Variants in CLK2 observed in about 807,000 individuals in gnomAD.
The protein encoded by CLK2 is dual specificity protein kinase CLK2.
A neutral mutation model predicts 73.5 loss-of-function variants in CLK2; 12 were observed. The observed-to-expected ratio is 0.16, with a 90% CI of 0.10 to 0.26. The LOEUF (loss-of-function observed/expected upper bound fraction) is 0.26. Ranked by LOEUF, CLK2 falls within the 10% of genes least tolerant of loss-of-function variation. CLK2 has a pLI of 1.00. For missense variants in CLK2, 509 were observed against 688.4 expected (o/e 0.74, Z 2.92); for synonymous variants, 232 against 237.9 (o/e 0.98, Z 0.23).
rs779725189 is a variant in CLK2, at chr1:155,269,603, T to G, written c.284A>C (p.Tyr95Ser). The G allele has an allele frequency of 1.9e-6, 3 of 1,614,208 alleles. No homozygotes were observed. The highest frequency in any genetic ancestry group is 2.2e-5 in the South Asian group (2 of 91,086). Reference protein sequence around the residue: ...DRGDAYYDTDYRHSYEYQREN... With the variant: ...DRGDAYYDTDSRHSYEYQREN... The stretch of plus-strand genomic sequence containing the variant: ...CCGCTGATATTCATAGGAATGCCGA[T>G]AGTCTGTGTCATAGTAGGCATCTCC... The change falls in exon 3 of 13, where the codon TAT (tyrosine) becomes TCT (serine). Residue 95 changes from tyrosine (Y) to serine (S), a missense_variant. This residue lies in a region of CLK2 where 222 missense variants were observed against 221.7 expected (regional missense o/e 1.00). Transcript: ENST00000368361.
Position 155,269,473 on chromosome 1 carries a change from T to TG in CLK2, c.399+14dup. 6.2e-7 allele frequency: 1 copy of TG among 1,611,546 alleles called. No homozygotes were observed. Among genetic ancestry groups the TG allele is most frequent in the Non-Finnish European group, 8.5e-7 (1 of 1,178,434 alleles). ...CAGAAGAGTGGGGAGAGGAAGGGCC[T>TG]GGGCTGGCACTCACCGAAGATGAGC... On this transcript the variant is annotated intron_variant, in intron 3 of 12. Coordinates refer to ENST00000368361, the MANE Select transcript of CLK2 (RefSeq NM_001294338.2).
intron 1 of CLK2, among the ~76,000 whole-genome samples, chr1:155,271,609 T>C (rs1419292627): frequency 6.6e-6 from 1 of 152,202 alleles, no homozygotes; most frequent in African/African-American, 2.4e-5. Flanking sequence ...CAGAGCAAAG[T>C]GTATGACGAC....
In CLK2 at chr1:155,264,770, C is replaced by T. The variant is rs779179029; in HGVS notation, c.938G>A (p.Arg313Gln). Residue 313 changes from arginine to glutamine, a missense_variant, in exon 9 of 13, where the codon CGA (arginine) becomes CAA (glutamine). This residue lies in a region of CLK2 where 48 missense variants were observed against 144.9 expected (regional missense o/e 0.33). Transcript: ENST00000368361. ...TGTGCTCTTCACACTGCGCTCATCTCGCTTCTAGGAGCAGAGGAGAAAGAG... is the reference window on the plus strand; with the variant it reads ...TGTGCTCTTCACACTGCGCTCATCTTGCTTCTAGGAGCAGAGGAGAAAGAG... ...YELTYNLEKKRDERSVKSTAV... is the reference protein window; with the variant it reads ...YELTYNLEKKQDERSVKSTAV... 11 of 1,614,064 alleles carry T rather than the reference C, an allele frequency of 6.8e-6. No homozygotes were observed. Among genetic ancestry groups the T allele is most frequent in the African/African-American group, 2.7e-5 (2 of 74,938 alleles).
chr1:155,266,604 G>C, intron 7 of CLK2, 125 bp downstream of exon 7: 1 of 1,024,946 alleles, frequency 9.8e-7, no homozygotes, highest in East Asian at 2.8e-5. Flanking sequence ...CAAGATGACA[G>C]TAAATCAAAG....
intron 12 of CLK2, 117 bp downstream of exon 12, chr1:155,263,833 C>A: frequency 7.3e-7 from 1 of 1,376,780 alleles, no homozygotes; most frequent in Admixed American, 2.2e-5. Flanking sequence ...CTTCTTTCAG[C>A]TTTCCTCCCC....
intron 7 of CLK2, among the ~76,000 whole-genome samples, 179 bp downstream of exon 7, chr1:155,266,550 T>C (rs1673241764): frequency 6.6e-6 from 1 of 152,226 alleles, no homozygotes; most frequent in South Asian, 2.1e-4. Flanking sequence ...GAGCAATCAG[T>C]GACGATAAAG....
chr1:155,263,280 C>T lies in CLK2; in HGVS notation c.1438G>A (p.Ala480Thr), dbSNP rs746962823. Residue 480 changes from alanine (A) to threonine (T), a missense_variant, in exon 13 of 13, where the codon GCC (alanine) becomes ACC (threonine). Coordinates refer to ENST00000368361, the MANE Select transcript of CLK2 (RefSeq NM_001294338.2). ...LGEALQHPFF[A>T]RLRAEPPNKL... The stretch of plus-strand genomic sequence containing the variant: ...TTGGGCGGCTCAGCCCGAAGGCGGG[C>T]GAAGAAAGGATGCTGAAGGGCTTCA... 43 of 1,614,012 alleles carry T rather than the reference C, an allele frequency of 2.7e-5. No individual in the cohort carries two copies. The highest frequency in any genetic ancestry group is 2.2e-4 in the South Asian group (20 of 91,078).
chr1:155,269,808 G>A (rs925539305), intron 2 of CLK2, 92 bp from the exon 3 acceptor site: 1 of 1,181,216 alleles, frequency 8.5e-7, no homozygotes, highest in South Asian at 1.3e-5. Flanking sequence ...TGAGGACAAA[G>A]AGTAATGCTA....
chr1:155,270,530 C>T (rs988692274), intron 2 of CLK2, among the ~76,000 whole-genome samples: 6 of 152,164 alleles, frequency 3.9e-5, no homozygotes, highest in Admixed American at 2.6e-4. Context: ...CTCTACTTGT[C>T]CTCCAGACAT....
chr1:155,268,005 C>A lies in CLK2; in HGVS notation c.671+5G>T. The A allele has an allele frequency of 6.2e-7, 1 of 1,606,462 alleles. No homozygotes were observed. Among genetic ancestry groups the A allele is most frequent in the Non-Finnish European group, 8.5e-7 (1 of 1,173,172 alleles). The stretch of plus-strand genomic sequence containing the variant: ...GCCTCCCTACATACTTCCTTGCTTG[C>A]TTACTTCTTGTTGTCAGGGTCTTTC... On this transcript the variant is annotated splice_donor_5th_base_variant and intron_variant, in intron 6 of 12. Coordinates refer to ENST00000368361, the MANE Select transcript of CLK2 (RefSeq NM_001294338.2). The surrounding 1 kb of genome is among the most constrained non-coding windows in gnomAD (Gnocchi z 5.6).
rs1673392600 is a variant in CLK2 at position 155,269,517 on chromosome 1, GCCT to G, written c.367_369del (p.Arg124del). 1.2e-6 allele frequency: 2 copies of G among 1,613,788 alleles called. No individual in the cohort carries two copies. The highest frequency in any genetic ancestry group is 1.3e-5 in the African/African-American group (1 of 74,924). ...GATGAGCGGCTAAATGTCCGGCTGCGCCTCCTCCGCCGTCTGTGCTTCCTCCGG... is the reference window on the plus strand; with the variant it reads ...GATGAGCGGCTAAATGTCCGGCTGCGCCTCCGCCGTCTGTGCTTCCTCCGG... On this transcript the variant is annotated inframe_deletion, in exon 3 of 13. Transcript: ENST00000368361.
chr1:155,266,077 C>A, intron 7 of CLK2, 123 bp from the exon 8 acceptor site: 1 of 708,438 alleles, frequency 1.4e-6, no homozygotes, highest in Non-Finnish European at 2.6e-6. Flanking sequence ...ATCACTAGGG[C>A]TGCTTTCTGC....
chr1:155,268,754 A>C lies in CLK2; in HGVS notation c.441T>G (p.Ala147=). ...SRRAKSVEDD[A]EGHLIYHVGD... ...CGACGTGGTAGATGAGGTGGCCCTC[A>C]GCGTCGTCCTCTACACTCTTGGCTC... is the stretch of plus-strand genomic sequence containing the variant. The change falls in exon 4 of 13, where the codon GCT becomes GCG. Residue 147 remains alanine, a synonymous_variant. Transcript: ENST00000368361. The surrounding 1 kb of genome is among the most constrained non-coding windows in gnomAD (Gnocchi z 5.6). 1.2e-6 allele frequency: 2 copies of C among 1,612,696 alleles called. No individual in the cohort carries two copies. Among genetic ancestry groups the C allele is most frequent in the Non-Finnish European group, 1.7e-6 (2 of 1,179,778 alleles).
At position 155,264,295 on chromosome 1, in the gene CLK2, A is replaced by G. The variant is rs1673127042; in HGVS notation, c.1152T>C (p.His384=). 1 of 1,614,190 alleles carries G rather than the reference A, an allele frequency of 6.2e-7. No homozygotes were observed. Among genetic ancestry groups the G allele is most frequent in the Non-Finnish European group, 8.5e-7 (1 of 1,180,028 alleles). Residue 384 remains histidine, a synonymous_variant, in exon 11 of 13, where the codon CAT becomes CAC. Transcript: ENST00000368361. ...YYVGFTLFQT[H]DNREHLAMME... ...TCATGGCTAGATGCTCTCTGTTGTC[A>G]TGGGTCTGGGAAACAAAAACAGAAC...
At chr1:155,271,110 T>G in intron 1 of CLK2, 133 bp from the exon 2 acceptor site, 1 of 853,386 alleles carries the variant, frequency 1.2e-6, no homozygotes. Context: ...CACAACTTCC[T>G]CAGTCTTCCT....
chr1:155,273,079 C>T (rs559126334), intron 1 of CLK2, 122 bp downstream of exon 1: 1 of 152,412 alleles, frequency 6.6e-6, no homozygotes, highest in East Asian at 1.9e-4. Flanking sequence ...TCCGTCGCTT[C>T]GTAGGTCTCA....
chr1:155,266,920 G>A, intron 6 of CLK2, 25 bp from the exon 7 acceptor site: 1 of 1,610,926 alleles, frequency 6.2e-7, no homozygotes, highest in East Asian at 2.2e-5. Context: ...GGGGGAAGGG[G>A]GGTTGTCTGA....
chr1:155,266,012 A>G, intron 7 of CLK2, 58 bp from the exon 8 acceptor site: 1 of 1,178,188 alleles, frequency 8.5e-7, no homozygotes. Context: ...AACTGGTATC[A>G]GCTGACCCCA....
intron 8 of CLK2, among the ~76,000 whole-genome samples, chr1:155,265,659 C>T (rs1011550778): frequency 2.0e-5 from 3 of 151,914 alleles, no homozygotes; most frequent in South Asian, 4.2e-4. Context: ...TATCTGAAGT[C>T]CCCTGTACAA....
Sources: gnomAD v4.1 joint callset for allele counts (sites outside exome capture counted in the v4.1 genomes callset) on GRCh38, gnomAD v4.1.1 for gene constraint, gnomAD v4.1.1 regional missense constraint, Gnocchi (gnomAD v3.1) non-coding constraint, MANE v1.5 for transcripts, NCBI Gene and HGNC (gene_info 2026-07-23, HGNC 2026-07-21) for gene names.